Variants in CDH6 observed in about 807,000 individuals in gnomAD.
CDH6 encodes the protein cadherin 6.
In CDH6, 31 loss-of-function variants were observed where a neutral mutation model predicts 78.0. The observed-to-expected ratio is 0.40, with a 90% CI of 0.30 to 0.54. The LOEUF is 0.54. Among genes scored for constraint, CDH6 ranks in the 20% least tolerant of loss-of-function variants. The pLI is 0.56. For synonymous variants in CDH6, 376 were observed against 368.8 expected (o/e 1.02, Z -0.23); for missense variants, 724 against 975.9 (o/e 0.74, Z 3.44).
rs941651723 is a variant in CDH6, at chr5:31,327,916, T to A, written c.*4608T>A. 2 of 215,978 alleles carry A rather than the reference T, an allele frequency of 9.3e-6. No individual in the cohort carries two copies. The highest frequency in any genetic ancestry group is 4.5e-5 in the African/African-American group (2 of 44,434). The allele number at this position is 215,978 out of a possible 1,614,324, so 13.4% of individuals were successfully genotyped here. ...AAGCCGGAAGTTTATGGTCTCTGCA[T>A]CGTCAATTTAATTTAAGCATTGCTG... On this transcript the variant is annotated 3_prime_UTR_variant, in exon 12 of 12. Coordinates refer to ENST00000265071, the MANE Select transcript of CDH6 (RefSeq NM_004932.4).
chr5:31,272,204 A>C (rs925332316), intron 2 of CDH6, among the ~76,000 whole-genome samples: 1 of 152,224 alleles, frequency 6.6e-6, no homozygotes, highest in Admixed American at 6.5e-5. Flanking sequence ...TGAAGAAGCC[A>C]AAGGTCCGAA....
At chr5:31,271,443 G>C (rs1244692516) in intron 2 of CDH6, among the ~76,000 whole-genome samples, 1 of 152,168 alleles carries the variant, frequency 6.6e-6, no homozygotes, top group Admixed American at 6.5e-5. Flanking sequence ...ACTGCGTTCT[G>C]TTGCCAGTGA....
chr5:31,317,301 A>G, intron 9 of CDH6, 74 bp from the exon 10 acceptor site: 1 of 741,946 alleles, frequency 1.3e-6, no homozygotes. Flanking sequence ...TTTGTCAAGC[A>G]ATTTATTGCA....
intron 1 of CDH6, among the ~76,000 whole-genome samples, chr5:31,231,365 G>T (rs1741305777): frequency 6.6e-6 from 1 of 152,150 alleles, no homozygotes; most frequent in African/African-American, 2.4e-5. Flanking sequence ...GTTTGGCGGG[G>T]TCAGAATTCC....
intron 8 of CDH6, among the ~76,000 whole-genome samples, chr5:31,314,794 C>T (rs1738260708): frequency 6.6e-6 from 1 of 152,080 alleles, no homozygotes; most frequent in African/African-American, 2.4e-5. Flanking sequence ...GCAGTCATTT[C>T]ATAAGTATTT....
chr5:31,216,401 A>G (rs1740864411), intron 1 of CDH6, among the ~76,000 whole-genome samples: 1 of 152,142 alleles, frequency 6.6e-6, no homozygotes, highest in South Asian at 2.1e-4. Flanking sequence ...AAAAGAATCA[A>G]CAGAAAAACA....
At chr5:31,243,206 A>T (rs978888390) in intron 1 of CDH6, among the ~76,000 whole-genome samples, 1 of 152,126 alleles carries the variant, frequency 6.6e-6, no homozygotes, top group Non-Finnish European at 1.5e-5. Flanking sequence ...TAATTAGCCA[A>T]TGGAGCCTGC....
chr5:31,284,527 A>G (rs1009869788), intron 2 of CDH6, among the ~76,000 whole-genome samples: 5 of 152,188 alleles, frequency 3.3e-5, no homozygotes, highest in African/African-American at 1.2e-4. Context: ...TTTCATTCCC[A>G]TGAGCCTTCC....
chr5:31,214,372 G>A (rs1294239014), intron 1 of CDH6, among the ~76,000 whole-genome samples: 3 of 152,130 alleles, frequency 2.0e-5, no homozygotes, highest in African/African-American at 7.2e-5. Flanking sequence ...ACACCCAAGA[G>A]TAATGGTCCC....
At position 31,290,739 on chromosome 5, in the gene CDH6, T is replaced by C. The variant is rs568839253; in HGVS notation, c.229-3223T>C. Among the ~76,000 whole-genome samples the C allele has an allele frequency of 2.6e-3, 389 of 152,212 alleles. 1 individual carries two copies. Among genetic ancestry groups the C allele is most frequent in the Admixed American group, 3.5e-3 (53 of 15,290 alleles). On this transcript the variant is annotated intron_variant, in intron 2 of 11. Coordinates refer to ENST00000265071, the MANE Select transcript of CDH6 (RefSeq NM_004932.4). ...GAGAGTGGGGAGAAAAAGCAGAGGCTTTGGGAGGTTTCTGCTCCGTGTACT... is the reference window on the plus strand; with the variant it reads ...GAGAGTGGGGAGAAAAAGCAGAGGCCTTGGGAGGTTTCTGCTCCGTGTACT...
At chr5:31,210,094 G>GTGTGTT (rs1740652880) in intron 1 of CDH6, among the ~76,000 whole-genome samples, 1 of 151,914 alleles carries the variant, frequency 6.6e-6, no homozygotes, top group Non-Finnish European at 1.5e-5. Flanking sequence ...GTGTGTGTGT[G>GTGTGTT]TGTGTGTGTG....
At position 31,284,908 on chromosome 5, in the gene CDH6, G is replaced by A. The variant is rs554595250; in HGVS notation, c.229-9054G>A. ...CCTTCATACATGCAGATGTCATCTC[G>A]GACTGGATCAGGAGCAAAGCAGGAG... On this transcript the variant is annotated intron_variant, in intron 2 of 11. Coordinates refer to ENST00000265071, the MANE Select transcript of CDH6 (RefSeq NM_004932.4). 9.9e-5 allele frequency among the ~76,000 whole-genome samples: 15 copies of A among 152,268 alleles called. No individual in the cohort carries two copies. The South Asian group carries it at 1.4e-3, about 15-fold the overall frequency.
At chr5:31,293,798 TGGTATTTACCATTAAGA>T (rs1271863606) in intron 2 of CDH6, among the ~76,000 whole-genome samples, 147 bp from the exon 3 acceptor site, 1 of 151,494 alleles carries the variant, frequency 6.6e-6, no homozygotes, top group African/African-American at 2.4e-5. Flanking sequence ...CATTAATGAA[TGGTATTTACCATTAAGA>T]GGTTACGTAA....
In CDH6 at chr5:31,305,257, G is replaced by A. The variant is rs1413902122; in HGVS notation, c.1083G>A (p.Leu361=). Residue 361 remains leucine (L), a synonymous_variant, in exon 7 of 12, where the codon TTG becomes TTA. Transcript: ENST00000265071. ...ATGTTGAGCCACGATTTCTCTACTTGGGGCCTTTCAAAGATTCAGCCACGG... is the reference window on the plus strand; with the variant it reads ...ATGTTGAGCCACGATTTCTCTACTTAGGGCCTTTCAAAGATTCAGCCACGG... ...NPYVEPRFLY[L]GPFKDSATVR... is the part of the protein sequence containing the mutation. 1 of 1,613,818 alleles carries A rather than the reference G, an allele frequency of 6.2e-7. No homozygotes were observed. The highest frequency in any genetic ancestry group is 1.3e-5 in the African/African-American group (1 of 74,846).
chr5:31,247,240 T>C (rs1365478688), intron 1 of CDH6, among the ~76,000 whole-genome samples: 1 of 152,224 alleles, frequency 6.6e-6, no homozygotes, highest in African/African-American at 2.4e-5. Flanking sequence ...AGTAGGTATC[T>C]GCTCCTCTGC....
chr5:31,292,065 G>A (rs559809117), intron 2 of CDH6, among the ~76,000 whole-genome samples: 12 of 152,234 alleles, frequency 7.9e-5, no homozygotes, highest in Middle Eastern at 3.4e-3. Flanking sequence ...CTCTTCCTGC[G>A]CTCAAGAGTT....
In CDH6 at chr5:31,296,244, C is replaced by T. The variant is rs1052223667; in HGVS notation, c.524-1045C>T. Reference sequence around the variant, plus strand: ...GTTATCTGATACAAATAACAAAAAACAGCCATTAAGTGATCTTAATCCGAG... The same window carrying T: ...GTTATCTGATACAAATAACAAAAAATAGCCATTAAGTGATCTTAATCCGAG... On this transcript the variant is annotated intron_variant, in intron 3 of 11. Transcript: ENST00000265071. Among the ~76,000 whole-genome samples the T allele has an allele frequency of 3.2e-4, 49 of 152,106 alleles. 1 individual carries two copies. Among genetic ancestry groups the T allele is most frequent in the Admixed American group, 1.3e-4 (2 of 15,270 alleles).
At chr5:31,276,196 G>A (rs1396152274) in intron 2 of CDH6, among the ~76,000 whole-genome samples, 3 of 152,014 alleles carry the variant, frequency 2.0e-5, no homozygotes, top group African/African-American at 4.8e-5. Context: ...AGATCAAAAA[G>A]AAGTACAGAA....
chr5:31,199,762 A>T, intron 1 of CDH6, among the ~76,000 whole-genome samples: 1 of 146,192 alleles, frequency 6.8e-6, no homozygotes, highest in East Asian at 2.1e-4. Flanking sequence ...CAGAACTTTT[A>T]TACATCCAAA....
Sources: allele counts gnomAD v4.1 joint callset (sites outside exome capture counted in the v4.1 genomes callset), GRCh38; gene constraint gnomAD v4.1.1; transcripts MANE v1.5; gene names NCBI Gene and HGNC (gene_info 2026-07-23, HGNC 2026-07-21).